PRR16: variants seen among roughly 807,000 people sequenced by gnomAD.
The protein encoded by PRR16 is protein Largen.
PRR16 carries 6 observed loss-of-function variants against 18.2 expected under a neutral mutation model. The ratio of observed to expected loss-of-function variants is 0.33; its 90% CI spans 0.18 to 0.65. The LOEUF is 0.65. Among genes scored for constraint, PRR16 ranks in the 30% least tolerant of loss-of-function variants. The probability of loss-of-function intolerance (pLI) is 0.74; values close to 1 mark genes in which losing one functional copy is unlikely to be tolerated. For synonymous variants in PRR16, 151 were observed against 147.8 expected (o/e 1.02, Z -0.16); for missense variants, 412 against 376.6 (o/e 1.09, Z -0.78).
At chr5:120,761,341 A>G in the PRR16 span, among the ~76,000 whole-genome samples, 1 of 151,944 alleles carries the variant, frequency 6.6e-6, no homozygotes, top group Non-Finnish European at 1.5e-5. Context: ...TTTTTTGTTA[A>G]TGGTGTTTGG....
intron 1 of PRR16, among the ~76,000 whole-genome samples, chr5:120,605,979 G>A (rs147047511): frequency 3.5e-4 from 54 of 152,248 alleles, no homozygotes; most frequent in African/African-American, 1.3e-3. Flanking sequence ...TTGTGTTCAG[G>A]GGGCTGTGGG....
intron 1 of PRR16, among the ~76,000 whole-genome samples, chr5:120,655,458 A>G (rs971581829): frequency 3.3e-5 from 5 of 151,124 alleles, no homozygotes; most frequent in Non-Finnish European, 7.4e-5. Flanking sequence ...AGATGGACCT[A>G]TTATTATAGA....
At chr5:120,774,873 T>C in the PRR16 span, among the ~76,000 whole-genome samples, 1 of 152,296 alleles carries the variant, frequency 6.6e-6, no homozygotes, top group East Asian at 1.9e-4. Flanking sequence ...AGCAGGTCTA[T>C]AGCTTTCATC....
intron 1 of PRR16, among the ~76,000 whole-genome samples, chr5:120,535,656 C>T (rs1189557810): frequency 1.3e-5 from 2 of 151,816 alleles, no homozygotes; most frequent in Non-Finnish European, 2.9e-5. Flanking sequence ...AAAAATTATC[C>T]AGGTGTGGTG....
Position 120,686,253 on chromosome 5 carries a change from T to G in PRR16, c.459T>G (p.Leu153=), listed in dbSNP as rs963641209. ...ATCCTGTAAAAACCAATGGCACCCT[T>G]CTACGAAATGGAGGCTTACCAGGTG... ...TANPVKTNGT[L]LRNGGLPGGP... is the part of the protein sequence containing the mutation. The change falls in exon 2 of 2, where the codon CTT becomes CTG. Residue 153 remains leucine (L), a synonymous_variant. Coordinates refer to ENST00000407149, the MANE Select transcript of PRR16 (RefSeq NM_001300783.2). 8 of 1,613,864 alleles carry G rather than the reference T, an allele frequency of 5.0e-6. No homozygotes were observed. Among genetic ancestry groups the G allele is most frequent in the Non-Finnish European group, 6.8e-6 (8 of 1,180,000 alleles).
chr5:120,588,800 G>C (rs1007007966), intron 1 of PRR16, among the ~76,000 whole-genome samples: 1 of 151,192 alleles, frequency 6.6e-6, no homozygotes, highest in African/African-American at 2.4e-5. Context: ...CTGACAACAT[G>C]CTCTTAACCC....
At chr5:120,624,672 A>G (rs911091620) in intron 1 of PRR16, among the ~76,000 whole-genome samples, 2 of 152,158 alleles carry the variant, frequency 1.3e-5, no homozygotes, top group African/African-American at 2.4e-5. Flanking sequence ...ATGAGTTACT[A>G]CTTTTAAAGT....
At chr5:120,751,830 C>CA in the PRR16 span, among the ~76,000 whole-genome samples, 1 of 152,046 alleles carries the variant, frequency 6.6e-6, no homozygotes, top group Non-Finnish European at 1.5e-5. Context: ...TCTCCATTAA[C>CA]ACAGGCTCAC....
chr5:120,759,264 C>T, the PRR16 span, among the ~76,000 whole-genome samples: 1 of 152,032 alleles, frequency 6.6e-6, no homozygotes, highest in Admixed American at 6.6e-5. Context: ...GCGTGAGCCA[C>T]CACACCCAGC....
chr5:120,784,650 C>G, the PRR16 span, among the ~76,000 whole-genome samples: 1 of 152,146 alleles, frequency 6.6e-6, no homozygotes, highest in African/African-American at 2.4e-5. Flanking sequence ...AGACATTTCT[C>G]AAAGACGAAA....
At chr5:120,655,316 A>G (rs985129446) in intron 1 of PRR16, among the ~76,000 whole-genome samples, 4 of 151,570 alleles carry the variant, frequency 2.6e-5, no homozygotes, top group African/African-American at 7.3e-5. Flanking sequence ...CTAAAAAGAA[A>G]TGTATAATGT....
chr5:120,776,618 GAATAC>G, the PRR16 span, among the ~76,000 whole-genome samples: 1 of 152,020 alleles, frequency 6.6e-6, no homozygotes, highest in Non-Finnish European at 1.5e-5. Flanking sequence ...TTCATGTATA[GAATAC>G]AATACCACCT....
chr5:120,760,812 A>G, the PRR16 span, among the ~76,000 whole-genome samples: 180 of 152,210 alleles, frequency 1.2e-3, 2 homozygotes, highest in South Asian at 3.7e-3. Context: ...CTGAAGTTTG[A>G]TATACATTAC....
At chr5:120,500,888 T>C (rs1235918486) in intron 1 of PRR16, among the ~76,000 whole-genome samples, 1 of 152,076 alleles carries the variant, frequency 6.6e-6, no homozygotes, top group East Asian at 1.9e-4. Context: ...TTATGTTTTT[T>C]CTTTTTTTAT....
intron 1 of PRR16, among the ~76,000 whole-genome samples, chr5:120,490,546 C>T (rs1749992665): frequency 1.3e-5 from 2 of 152,114 alleles, no homozygotes; most frequent in African/African-American, 4.8e-5. Flanking sequence ...TCTAGTTAGC[C>T]ATTCGTCTAA....
At chr5:120,654,779 A>T (rs1755909442) in intron 1 of PRR16, among the ~76,000 whole-genome samples, 4 of 151,912 alleles carry the variant, frequency 2.6e-5, no homozygotes, top group African/African-American at 9.7e-5. Flanking sequence ...CATGTTTAAA[A>T]CTTCAGTAAA....
chr5:120,632,250 T>C (rs12515727), intron 1 of PRR16, among the ~76,000 whole-genome samples: 149,343 of 152,274 alleles, frequency 0.98, 73,293 homozygotes, highest in South Asian at 1. Flanking sequence ...CCAGATCTTC[T>C]GTCTGACATA....
At chr5:120,717,963 TCTG>T in the PRR16 span, among the ~76,000 whole-genome samples, 2 of 152,182 alleles carry the variant, frequency 1.3e-5, no homozygotes, top group African/African-American at 2.4e-5. Flanking sequence ...AATTTAATAT[TCTG>T]CTTTTTTCCC....
intron 1 of PRR16, among the ~76,000 whole-genome samples, chr5:120,513,212 C>T (rs1243708470): frequency 6.6e-6 from 1 of 152,156 alleles, no homozygotes; most frequent in African/African-American, 2.4e-5. Flanking sequence ...TGCAACCTGT[C>T]TTCATTGTTG....
Sources: gnomAD v4.1 joint callset for allele counts (sites outside exome capture counted in the v4.1 genomes callset) on GRCh38, gnomAD v4.1.1 for gene constraint, MANE v1.5 for transcripts, NCBI Gene and HGNC (gene_info 2026-07-23, HGNC 2026-07-21) for gene names.